SND1: variants seen among roughly 807,000 people sequenced by gnomAD.
SND1 encodes the protein staphylococcal nuclease domain-containing protein 1.
Under a neutral mutation model 121.7 loss-of-function variants are expected in SND1, and 38 were observed. The observed-to-expected ratio is 0.31, with a 90% CI of 0.24 to 0.41. The LOEUF (loss-of-function observed/expected upper bound fraction) is 0.41. Ranked by LOEUF, SND1 falls within the 10% of genes least tolerant of loss-of-function variation. The pLI, the probability that SND1 is intolerant of heterozygous loss-of-function variation, is 1.00. For synonymous variants in SND1, 401 were observed against 447.4 expected, an observed-to-expected ratio of 0.90 and a Z score of 1.31; for missense variants, 868 against 1,184.6, an observed-to-expected ratio of 0.73 and a Z score of 3.92.
At chr7:127,770,735 T>G (rs1444362831) in intron 10 of SND1, among the ~76,000 whole-genome samples, 1 of 151,936 alleles carries the variant, frequency 6.6e-6, no homozygotes, top group African/African-American at 2.4e-5. Flanking sequence ...AAAAAAAAAG[T>G]GGTGGAATGA....
At chr7:127,729,437 T>C (rs1396808678) in intron 10 of SND1, among the ~76,000 whole-genome samples, 1 of 119,306 alleles carries the variant, frequency 8.4e-6, no homozygotes, top group African/African-American at 3.3e-5. Context: ...TTAGATAAAT[T>C]ACTTTTTTTT....
intron 10 of SND1, among the ~76,000 whole-genome samples, chr7:127,729,534 A>C (rs1796638646): frequency 6.9e-6 from 1 of 145,606 alleles, no homozygotes; most frequent in Non-Finnish European, 1.5e-5. Context: ...GCTGGGCTGT[A>C]GGTTTCATTC....
Position 127,781,648 on chromosome 7 carries a change from A to G in SND1, c.1153-25836A>G, listed in dbSNP as rs569396819. 2.0e-5 allele frequency among the ~76,000 whole-genome samples: 3 copies of G among 152,244 alleles called. No individual in the cohort carries two copies. In the South Asian group the frequency reaches 6.2e-4, roughly 32 times the overall value. On this transcript the variant is annotated intron_variant, in intron 10 of 23. Transcript: ENST00000354725. ...TGAACCTTGTTTCATGGTTTGATTT[A>G]TAAGTCCTTCCTTTTAGCCAAGGAA...
At chr7:128,063,049 C>CG (rs1227217269) in intron 16 of SND1, among the ~76,000 whole-genome samples, 1 of 152,124 alleles carries the variant, frequency 6.6e-6, no homozygotes, top group East Asian at 1.9e-4. Context: ...GTCTGGGCTC[C>CG]GGGGGTCCAG....
At chr7:127,948,327 T>C (rs1007033903) in intron 15 of SND1, among the ~76,000 whole-genome samples, 5 of 152,200 alleles carry the variant, frequency 3.3e-5, no homozygotes, top group African/African-American at 7.2e-5. Context: ...TATTAAATGG[T>C]AGCTGATGTT....
chr7:127,941,034 T>C (rs1285868182), intron 15 of SND1, among the ~76,000 whole-genome samples: 4 of 152,234 alleles, frequency 2.6e-5, no homozygotes, highest in Non-Finnish European at 5.9e-5. Context: ...CAGATTCTGC[T>C]GCAGGGCTGC....
chr7:128,000,077 T>TTA (rs1554454238), intron 16 of SND1: 4 of 103,190 alleles, frequency 3.9e-5, no homozygotes, highest in Non-Finnish European at 7.6e-5. Context: ...GAGTGTTCTC[T>TTA]AAAAAAAAAA....
At chr7:127,780,631 A>G (rs1797701975) in intron 10 of SND1, among the ~76,000 whole-genome samples, 1 of 152,218 alleles carries the variant, frequency 6.6e-6, no homozygotes, top group Non-Finnish European at 1.5e-5. Flanking sequence ...TCTTGACTTA[A>G]TGAAAGCCTG....
intron 18 of SND1, 112 bp downstream of exon 18, chr7:128,081,613 G>A (rs1793603602): frequency 1.5e-6 from 2 of 1,293,216 alleles, no homozygotes; most frequent in Non-Finnish European, 2.2e-6. Context: ...GGCAGTCCAG[G>A]AGCCTCCCCT....
chr7:128,058,443 G>A (rs543887628), intron 16 of SND1, among the ~76,000 whole-genome samples: 1 of 152,330 alleles, frequency 6.6e-6, no homozygotes, highest in South Asian at 2.1e-4. Flanking sequence ...AATGGCAGAG[G>A]CTAAATTTGA....
At chr7:128,043,863 TACA>T (rs1792900612) in intron 16 of SND1, among the ~76,000 whole-genome samples, 1 of 149,570 alleles carries the variant, frequency 6.7e-6, no homozygotes, top group Non-Finnish European at 1.5e-5. Flanking sequence ...TATACACATA[TACA>T]CACACACACA....
chr7:127,928,600 T>A (rs999680275), intron 14 of SND1, among the ~76,000 whole-genome samples: 3 of 152,046 alleles, frequency 2.0e-5, no homozygotes, highest in African/African-American at 7.3e-5. Context: ...TTCTTTCTTT[T>A]TTTTGAGAAA....
chr7:127,797,999 T>TA (rs1409262207), intron 10 of SND1, among the ~76,000 whole-genome samples: 10 of 152,222 alleles, frequency 6.6e-5, no homozygotes, highest in Admixed American at 6.5e-4. Context: ...GCTTCTGAAA[T>TA]ACTCTTAGTT....
rs372674071 is a variant in SND1 at position 127,772,040 on chromosome 7, C to T, written c.1153-35444C>T. Reference sequence around the variant, plus strand: ...TGAGAATTGTGGGTGATAGAAAAGACGCTAATTTAAATGCATCGGTAGCAT... The same window carrying T: ...TGAGAATTGTGGGTGATAGAAAAGATGCTAATTTAAATGCATCGGTAGCAT... On this transcript the variant is annotated intron_variant, in intron 10 of 23. Coordinates refer to ENST00000354725, the MANE Select transcript of SND1 (RefSeq NM_014390.4). Among the ~76,000 whole-genome samples the T allele has an allele frequency of 5.1e-4, 78 of 152,164 alleles. No homozygotes were observed. The South Asian group carries it at 7.2e-3, about 14-fold the overall frequency.
intron 12 of SND1, among the ~76,000 whole-genome samples, chr7:127,854,538 CTATTTATTTATT>C (rs59447282): frequency 0.048 from 7,051 of 145,398 alleles, 275 homozygotes; most frequent in African/African-American, 0.11. Context: ...TACTAGCATT[CTATTTATTTATT>C]TATTTATTTA....
At chr7:127,925,455 A>C (rs1020320448) in intron 14 of SND1, among the ~76,000 whole-genome samples, 12 of 152,224 alleles carry the variant, frequency 7.9e-5, no homozygotes, top group African/African-American at 2.9e-4. Context: ...TAGCAATGAA[A>C]ACTGAGAGTG....
intron 15 of SND1, among the ~76,000 whole-genome samples, chr7:127,938,447 A>G (rs772971192): frequency 4.1e-4 from 63 of 152,378 alleles, no homozygotes; most frequent in Non-Finnish European, 6.2e-4. Context: ...AGCAGTTATC[A>G]AAAGCATAGG....
intron 12 of SND1, among the ~76,000 whole-genome samples, chr7:127,857,045 C>T (rs1799288603): frequency 6.6e-6 from 1 of 152,104 alleles, no homozygotes; most frequent in African/African-American, 2.4e-5. Flanking sequence ...ACCAAAAATA[C>T]CCCTTCCTTT....
intron 10 of SND1, among the ~76,000 whole-genome samples, chr7:127,743,185 AG>A (rs1447406799): frequency 1.3e-5 from 2 of 152,240 alleles, no homozygotes; most frequent in African/African-American, 4.8e-5. Flanking sequence ...GCCTGTTACA[AG>A]GGATGGAACT....
Sources: allele counts gnomAD v4.1 joint callset (sites outside exome capture counted in the v4.1 genomes callset), GRCh38; gene constraint gnomAD v4.1.1; transcripts MANE v1.5; gene names NCBI Gene and HGNC (gene_info 2026-07-23, HGNC 2026-07-21).